Variants in VRK2 observed in about 807,000 individuals in gnomAD.
VRK2 encodes serine/threonine-protein kinase VRK2.
In VRK2, 60 loss-of-function variants were observed where a neutral mutation model predicts 57.6. That is an observed-to-expected ratio of 1.04 (90% CI 0.85 to 1.29). The LOEUF (loss-of-function observed/expected upper bound fraction) is 1.29. Ranked by LOEUF, VRK2 falls within the 50% of genes most tolerant of loss-of-function variation. VRK2 has a pLI of 0.00. For missense variants in VRK2, 705 were observed against 588.1 expected (o/e 1.20, Z -2.06); for synonymous variants, 231 against 199.2 (o/e 1.16, Z -1.35).
chr2:58,052,389 G>GTTAC, intron 2 of VRK2, among the ~76,000 whole-genome samples: 1 of 152,076 alleles, frequency 6.6e-6, no homozygotes, highest in African/African-American at 2.4e-5. Context: ...CAGGCGGGTG[G>GTTAC]ATTGCCTGAG....
chr2:58,009,087 C>T (rs930871088), intron 1 of VRK2, among the ~76,000 whole-genome samples: 2 of 152,102 alleles, frequency 1.3e-5, no homozygotes, highest in Non-Finnish European at 2.9e-5. Flanking sequence ...TTAAAGGCCT[C>T]GCCTTCTAAT....
chr2:58,141,921 G>A (rs1306851142), intron 11 of VRK2, among the ~76,000 whole-genome samples: 2 of 151,816 alleles, frequency 1.3e-5, no homozygotes, highest in African/African-American at 2.4e-5. Flanking sequence ...TTTCTTTTTA[G>A]TCACAGACAG....
rs1451772319 is a variant in VRK2, at chr2:58,123,217, T to A, written c.660T>A (p.Asp220Glu). ...GGACAATAGAGTTTACCAGCTTGGA[T>A]GCCCACAAGGGAGTAGGTGGGTTTC... Reference protein sequence around the residue: ...HNGTIEFTSLDAHKGVALSRR... With the variant: ...HNGTIEFTSLEAHKGVALSRR... Residue 220 changes from aspartate to glutamate, a missense_variant, in exon 8 of 13, where the codon GAT becomes GAA. Coordinates refer to ENST00000340157, the MANE Select transcript of VRK2 (RefSeq NM_006296.7). The A allele has an allele frequency of 1.3e-5, 20 of 1,585,900 alleles. No homozygotes were observed. Among genetic ancestry groups the A allele is most frequent in the Non-Finnish European group, 1.7e-5 (20 of 1,172,710 alleles).
intron 1 of VRK2, among the ~76,000 whole-genome samples, chr2:57,939,393 T>C (rs1437391876): frequency 2.0e-5 from 3 of 152,272 alleles, no homozygotes; most frequent in African/African-American, 7.2e-5. Context: ...TTCAGTGATA[T>C]TATTATTCCT....
intron 12 of VRK2, among the ~76,000 whole-genome samples, chr2:58,153,670 T>C (rs1268607490): frequency 2.0e-5 from 3 of 152,130 alleles, no homozygotes; most frequent in Non-Finnish European, 4.4e-5. Flanking sequence ...TGTCTGTTGT[T>C]ATCTTTTTAT....
In VRK2 at chr2:58,088,378, T is replaced by A; in HGVS notation, c.382T>A (p.Leu128Ile). The A allele has an allele frequency of 6.2e-7, 1 of 1,613,284 alleles. No individual in the cohort carries two copies. Among genetic ancestry groups the A allele is most frequent in the East Asian group, 2.2e-5 (1 of 44,810 alleles). ...FMVMERLGID[L>I]QKISGQNGTF... ...GGTAATGGAAAGACTAGGAATAGAT[T>A]TACAGAAGATCTCAGGCCAGAATGG... Residue 128 changes from leucine (L) to isoleucine (I), a missense_variant, in exon 6 of 13, where the codon TTA becomes ATA. Coordinates refer to ENST00000340157, the MANE Select transcript of VRK2 (RefSeq NM_006296.7).
chr2:58,137,135 TATATC>T (rs1377124885), intron 10 of VRK2, among the ~76,000 whole-genome samples: 70 of 96,542 alleles, frequency 7.3e-4, no homozygotes, highest in African/African-American at 2.1e-3. Context: ...GTATATATCA[TATATC>T]ATATATATCA....
chr2:58,054,524 A>G (rs541710434), intron 2 of VRK2, among the ~76,000 whole-genome samples: 4 of 152,050 alleles, frequency 2.6e-5, no homozygotes, highest in Non-Finnish European at 4.4e-5. Context: ...ATATGGATAG[A>G]CTTCTGCTTC....
At chr2:58,063,699 G>A (rs1677705749) in intron 2 of VRK2, among the ~76,000 whole-genome samples, 1 of 152,054 alleles carries the variant, frequency 6.6e-6, no homozygotes, top group Admixed American at 6.6e-5. Flanking sequence ...GTAGCTCATG[G>A]ATCAAAGGAG....
chr2:57,937,170 A>G (rs2103946964), intron 1 of VRK2, among the ~76,000 whole-genome samples: 1 of 152,344 alleles, frequency 6.6e-6, no homozygotes, highest in Admixed American at 6.5e-5. Flanking sequence ...AAATGAACAC[A>G]TGCTATGAAA....
intron 11 of VRK2, among the ~76,000 whole-genome samples, 160 bp from the exon 12 acceptor site, chr2:58,146,156 G>A (rs72953124): frequency 0.02 from 2,965 of 152,026 alleles, 112 homozygotes; most frequent in African/African-American, 0.068. Context: ...TCTTGCCAAC[G>A]ACTATAGTTT....
chr2:58,156,419 T>C (rs1280028192), intron 12 of VRK2, among the ~76,000 whole-genome samples: 3 of 152,202 alleles, frequency 2.0e-5, no homozygotes, highest in Non-Finnish European at 4.4e-5. Context: ...TGGAAAGGTT[T>C]TGTATGATTT....
Position 58,067,350 on chromosome 2 carries a change from A to G in VRK2, c.137-16739A>G, listed in dbSNP as rs189796458. Among the ~76,000 whole-genome samples, 59 of 152,270 alleles carry G rather than the reference A, an allele frequency of 3.9e-4. 1 individual carries two copies. The highest frequency in any genetic ancestry group is 1.4e-3 in the African/African-American group (58 of 41,558). On this transcript the variant is annotated intron_variant, in intron 2 of 12. Transcript: ENST00000340157. Reference sequence around the variant, plus strand: ...TACACTCCTTAATAAACTCCCCTTCATATATACATCTATATACATCTATTA... The same window carrying G: ...TACACTCCTTAATAAACTCCCCTTCGTATATACATCTATATACATCTATTA...
chr2:58,034,466 T>C (rs748177382), intron 3 of VRK2, among the ~76,000 whole-genome samples: 4 of 152,056 alleles, frequency 2.6e-5, no homozygotes, highest in Non-Finnish European at 4.4e-5. Context: ...GCTCCTCCTA[T>C]TATGGCTCCT....
upstream of VRK2, chr2:58,046,759 A>G (rs1379004299): frequency 2.0e-6 from 2 of 985,348 alleles, no homozygotes; most frequent in East Asian, 2.3e-4. Flanking sequence ...GGCAGGCTCG[A>G]GTGCTGGGCC....
At chr2:57,967,117 C>T (rs912582339) in intron 1 of VRK2, among the ~76,000 whole-genome samples, 1 of 151,914 alleles carries the variant, frequency 6.6e-6, no homozygotes, top group African/African-American at 2.4e-5. Context: ...ATCAAACTAA[C>T]GCAAGAACAG....
intron 2 of VRK2, among the ~76,000 whole-genome samples, chr2:58,064,149 G>A (rs1343599443): frequency 6.6e-6 from 1 of 152,102 alleles, no homozygotes; most frequent in African/African-American, 2.4e-5. Flanking sequence ...AAACATTGTT[G>A]AAATGACAGC....
intron 12 of VRK2, among the ~76,000 whole-genome samples, chr2:58,147,982 G>T (rs1287917906): frequency 6.6e-6 from 1 of 151,618 alleles, no homozygotes; most frequent in East Asian, 1.9e-4. Flanking sequence ...ACTCATTTCT[G>T]GCCACCATGA....
chr2:58,036,836 A>G (rs891296674), intron 3 of VRK2, among the ~76,000 whole-genome samples: 1 of 152,068 alleles, frequency 6.6e-6, no homozygotes, highest in Non-Finnish European at 1.5e-5. Flanking sequence ...TTTATAATCT[A>G]TACTGTCCAA....
Sources: allele counts gnomAD v4.1 joint callset (sites outside exome capture counted in the v4.1 genomes callset), GRCh38; gene constraint gnomAD v4.1.1; transcripts MANE v1.5; gene names NCBI Gene and HGNC (gene_info 2026-07-23, HGNC 2026-07-21).